KIFC3: variants seen among roughly 807,000 people sequenced by gnomAD.
The protein encoded by KIFC3 is kinesin family member C3.
In KIFC3, 60 loss-of-function variants were observed where a neutral mutation model predicts 101.8. The observed-to-expected ratio is 0.59, with a 90% CI of 0.48 to 0.73. KIFC3 has a LOEUF of 0.73. KIFC3 is among the 30% of genes least tolerant of loss of function. The pLI is 0.00. For synonymous variants in KIFC3, 476 were observed against 482.7 expected (o/e 0.99, Z 0.18); for missense variants, 966 against 1,137.1 (o/e 0.85, Z 2.16).
At chr16:57,765,721 G>A in intron 10 of KIFC3, 81 bp from the exon 11 acceptor site, 1 of 1,374,376 alleles carries the variant, frequency 7.3e-7, no homozygotes, top group South Asian at 1.4e-5. Flanking sequence ...GTCCCAGGCA[G>A]ACTAGTTGAC....
chr16:57,843,413 C>T (rs189278146), intron 1 of KIFC3, among the ~76,000 whole-genome samples: 92 of 152,312 alleles, frequency 6.0e-4, no homozygotes, highest in Non-Finnish European at 1.1e-3. Context: ...TGGCCCATTT[C>T]ACAAAGGAGG....
intron 11 of KIFC3, 189 bp from the exon 12 acceptor site, chr16:57,764,436 G>C (rs1472044343): frequency 5.2e-6 from 3 of 574,082 alleles, no homozygotes; most frequent in Non-Finnish European, 9.4e-6. Context: ...GGGCAACCGG[G>C]CCGCCCAAAG....
At chr16:57,813,281 T>C (rs1339591336) in intron 1 of KIFC3, among the ~76,000 whole-genome samples, 3 of 152,050 alleles carry the variant, frequency 2.0e-5, no homozygotes, top group African/African-American at 4.8e-5. Context: ...TGAGCCGAGA[T>C]TGCGCCACTG....
intron 1 of KIFC3, among the ~76,000 whole-genome samples, chr16:57,833,404 C>T (rs1191446008): frequency 6.6e-6 from 1 of 152,124 alleles, no homozygotes; most frequent in African/African-American, 2.4e-5. Context: ...CTAACCACAA[C>T]ACTCTTCAGA....
At chr16:57,765,434 C>T in intron 11 of KIFC3, 25 bp downstream of exon 11, 3 of 1,552,660 alleles carry the variant, frequency 1.9e-6, no homozygotes, top group Non-Finnish European at 2.6e-6. Flanking sequence ...CTTGCTTTCC[C>T]TTTCCCGCAT....
chr16:57,776,016 C>T lies in KIFC3; in HGVS notation c.316-3728G>A, dbSNP rs544946558. 118 of 985,456 alleles carry T rather than the reference C, an allele frequency of 1.2e-4. No homozygotes were observed. In the South Asian group the frequency reaches 4.6e-3, roughly 38 times the overall value. 61.0% of individuals were successfully genotyped at this position (985,456 alleles called of 1,614,324 possible). ...TGCATTTACACTTCACAGGCAGAAGCGGCTCGACCAAGGGTGGGGCCAGCC... is the reference window on the plus strand; with the variant it reads ...TGCATTTACACTTCACAGGCAGAAGTGGCTCGACCAAGGGTGGGGCCAGCC... On this transcript the variant is annotated intron_variant, in intron 3 of 19. Transcript: ENST00000445690.
Position 57,764,266 on chromosome 16 carries a change from G to GTT in KIFC3, c.1513-20_1513-19insAA. 1.4e-6 allele frequency: 2 copies of GTT among 1,408,328 alleles called. No individual in the cohort carries two copies. Among genetic ancestry groups the GTT allele is most frequent in the Non-Finnish European group, 2.0e-6 (2 of 1,017,840 alleles). The allele number at this position is 1,408,328 out of a possible 1,614,324, so 87.2% of individuals were successfully genotyped here. A position where few individuals can be genotyped will look rare whatever the true frequency, so the allele number is the denominator to read the frequency against. Reference sequence around the variant, plus strand: ...GGAACACCTGGGAGGGTGGTGGGAGGGAGGCTGGTGGGGGGGCTTCCAGGG... The same window carrying GTT: ...GGAACACCTGGGAGGGTGGTGGGAGGTTGAGGCTGGTGGGGGGGCTTCCAGGG... On this transcript the variant is annotated intron_variant, in intron 11 of 19. Coordinates refer to ENST00000445690, the MANE Select transcript of KIFC3 (RefSeq NM_001130100.2).
At position 57,798,163 on chromosome 16, in the gene KIFC3, C is replaced by T; in HGVS notation, c.81G>A (p.Glu27=). The T allele has an allele frequency of 1.3e-6, 2 of 1,540,688 alleles. No individual in the cohort carries two copies. The highest frequency in any genetic ancestry group is 1.7e-6 in the Non-Finnish European group (2 of 1,143,370). ...RGLWRVGRAP[E]PEPGMARPAP... ...CGGGGCGAGCCATCCCCGGCTCGGG[C>T]TCCGGGGCCCGGCCCACTCTCCACA... The change falls in exon 2 of 20, where the codon GAG becomes GAA. Residue 27 remains glutamate, a synonymous_variant. Coordinates refer to ENST00000445690, the MANE Select transcript of KIFC3 (RefSeq NM_001130100.2).
chr16:57,786,184 C>G (rs2053299243), intron 3 of KIFC3, among the ~76,000 whole-genome samples: 1 of 152,194 alleles, frequency 6.6e-6, no homozygotes, highest in Non-Finnish European at 1.5e-5. Flanking sequence ...GAGGGACAGA[C>G]AGACCAGGAC....
chr16:57,828,634 A>G (rs1445271574), intron 1 of KIFC3, among the ~76,000 whole-genome samples: 1 of 152,212 alleles, frequency 6.6e-6, no homozygotes, highest in Non-Finnish European at 1.5e-5. Flanking sequence ...AGACCTGGGC[A>G]GAGGAAAGGC....
intron 1 of KIFC3, among the ~76,000 whole-genome samples, chr16:57,801,604 G>C (rs557882399): frequency 1.3e-5 from 2 of 152,220 alleles, no homozygotes; most frequent in Non-Finnish European, 2.9e-5. Context: ...GGAAAAGCCG[G>C]GGAAGGTGAA....
chr16:57,823,876 C>T (rs879963130), intron 1 of KIFC3, among the ~76,000 whole-genome samples: 6 of 151,970 alleles, frequency 3.9e-5, no homozygotes, highest in Non-Finnish European at 7.4e-5. Context: ...ATCTGCCCGC[C>T]TGGGCCTTGC....
chr16:57,764,237 T>C lies in KIFC3; in HGVS notation c.1523A>G (p.Glu508Gly). The C allele has an allele frequency of 9.2e-7, 1 of 1,085,004 alleles. No homozygotes were observed. Among genetic ancestry groups the C allele is most frequent in the Non-Finnish European group, 1.3e-6 (1 of 762,912 alleles). 67.2% of individuals were successfully genotyped at this position (1,085,004 alleles called of 1,614,324 possible). A position where few individuals can be genotyped will look rare whatever the true frequency, so the allele number is the denominator to read the frequency against. The change falls in exon 12 of 20, where the codon GAG becomes GGG. Residue 508 changes from glutamate (E) to glycine (G), a missense_variant. This residue lies in a region of KIFC3 where 689 missense variants were observed against 884.6 expected (regional missense o/e 0.78). Transcript: ENST00000445690. ...GCAAGAGGTGACCAGGGCCTGCACC[T>C]CCTGGAACACCTGGGAGGGTGGTGG... ...PQASQQDVFQ[E>G]VQALVTSCID...
chr16:57,782,034 C>G (rs987588294), intron 3 of KIFC3: 10 of 985,322 alleles, frequency 1.0e-5, no homozygotes, highest in African/African-American at 3.5e-5. Context: ...GAGTGTACCC[C>G]CTGGCGGGCT....
chr16:57,801,393 C>T (rs1414649840), intron 1 of KIFC3, among the ~76,000 whole-genome samples: 5 of 152,212 alleles, frequency 3.3e-5, no homozygotes, highest in East Asian at 1.9e-4. Flanking sequence ...AGATTTCAAA[C>T]CCTCTGCTCC....
At chr16:57,759,412 G>A (rs1555593358) in intron 18 of KIFC3, 2 of 593,988 alleles carry the variant, frequency 3.4e-6, no homozygotes, top group Non-Finnish European at 6.0e-6. Context: ...TCTGGAGGGG[G>A]CTTACTGCAC....
chr16:57,761,174 G>A lies in KIFC3; in HGVS notation c.1873-3C>T. On this transcript the variant is annotated splice_region_variant and splice_polypyrimidine_tract_variant and intron_variant, in intron 14 of 19. Coordinates refer to ENST00000445690, the MANE Select transcript of KIFC3 (RefSeq NM_001130100.2). ...TTAGTGTGGCCAAACTCAAACACCTGGGGGATTGGGAGGAGGGCAGAGGCA... is the reference window on the plus strand; with the variant it reads ...TTAGTGTGGCCAAACTCAAACACCTAGGGGATTGGGAGGAGGGCAGAGGCA... 2.5e-6 allele frequency: 4 copies of A among 1,613,684 alleles called. No homozygotes were observed.
At chr16:57,773,380 C>G (rs1278347494) in intron 3 of KIFC3, among the ~76,000 whole-genome samples, 1 of 152,188 alleles carries the variant, frequency 6.6e-6, no homozygotes, top group East Asian at 1.9e-4. Context: ...CCACCACGTA[C>G]TCTCCTCGGA....
chr16:57,760,818 G>A lies in KIFC3; in HGVS notation c.2140C>T (p.Arg714Cys), dbSNP rs1555595896. ...TTGCGGAAGGGCACGTGGCCCTGGC[G>A]GGAGCGCAGGGCAGCAATGACGTCC... is the stretch of plus-strand genomic sequence containing the variant. ...LGDVIAALRS[R>C]QGHVPFRNSK... The change falls in exon 16 of 20, where the codon CGC becomes TGC. Residue 714 changes from arginine (R) to cysteine (C), a missense_variant. By Grantham distance (180) the Arg-to-Cys change is radical (BLOSUM62 -3). Transcript: ENST00000445690. 2 of 1,613,496 alleles carry A rather than the reference G, an allele frequency of 1.2e-6. No homozygotes were observed. Among genetic ancestry groups the A allele is most frequent in the South Asian group, 1.1e-5 (1 of 91,084 alleles).
Sources: gnomAD v4.1 joint callset for allele counts (sites outside exome capture counted in the v4.1 genomes callset) on GRCh38, gnomAD v4.1.1 for gene constraint, gnomAD v4.1.1 regional missense constraint, MANE v1.5 for transcripts, NCBI Gene and HGNC (gene_info 2026-07-23, HGNC 2026-07-21) for gene names.